CDS1: variants seen among roughly 807,000 people sequenced by gnomAD.
The protein encoded by CDS1 is CDP-diacylglycerol synthase 1, also known as phosphatidate cytidylyltransferase 1.
CDS1 carries 41 observed loss-of-function variants against 62.1 expected under a neutral mutation model. The observed-to-expected ratio is 0.66, with a 90% CI of 0.51 to 0.86. CDS1 has a LOEUF of 0.86. Among genes scored for constraint, CDS1 ranks in the 40% least tolerant of loss-of-function variants. CDS1 has a pLI of 0.00. For missense variants in CDS1, 470 were observed against 550.1 expected, an observed-to-expected ratio of 0.85 and a Z score of 1.46; for synonymous variants, 185 against 192.6, an observed-to-expected ratio of 0.96 and a Z score of 0.32.
intron 1 of CDS1, among the ~76,000 whole-genome samples, chr4:84,601,238 G>A (rs1010375867): frequency 4.6e-5 from 7 of 151,346 alleles, no homozygotes; most frequent in Middle Eastern, 3.2e-3. Flanking sequence ...ACTTGGTGCC[G>A]ACTGAATGTT....
chr4:84,635,207 GCC>G (rs1724140427), intron 7 of CDS1, 55 bp from the exon 8 acceptor site: 17 of 814,990 alleles, frequency 2.1e-5, no homozygotes, highest in Middle Eastern at 3.1e-4. Context: ...CCGAATATCT[GCC>G]ACTTACTCAG....
rs1472346036 is a variant in CDS1, at chr4:84,583,391, G to A, written c.-11G>A. On this transcript the variant is annotated 5_prime_UTR_variant, in exon 1 of 13. Transcript: ENST00000295887. The stretch of plus-strand genomic sequence containing the variant: ...CTTGAGGAGGCCGCCACGGCAGCGC[G>A]GGAGCGGAAGATGTTGGAGCTGAGG... The A allele has an allele frequency of 7.6e-6, 12 of 1,588,504 alleles. No homozygotes were observed. The highest frequency in any genetic ancestry group is 2.3e-5 in the East Asian group (1 of 43,408).
chr4:84,635,574 TCTGCCTGCCTGCCTGC>T (rs1214957051), intron 8 of CDS1, among the ~76,000 whole-genome samples: 8 of 102,028 alleles, frequency 7.8e-5, no homozygotes, highest in South Asian at 3.3e-4. Flanking sequence ...ACTCCATCAG[TCTGCCTGCCTGCCTGC>T]CTGCCTGCCT....
intron 2 of CDS1, among the ~76,000 whole-genome samples, chr4:84,604,737 T>G (rs951245973): frequency 1.2e-4 from 18 of 152,214 alleles, no homozygotes; most frequent in Non-Finnish European, 2.6e-4. Context: ...GTTCCCTATT[T>G]TTCAAATGCC....
chr4:84,648,812 C>A lies in CDS1; in HGVS notation c.*126C>A. Reference sequence around the variant, plus strand: ...GTTGAAGTTTTGGAGATATGTTTCTCTCTGAAATTACTGTGAATATTTAAC... The same window carrying A: ...GTTGAAGTTTTGGAGATATGTTTCTATCTGAAATTACTGTGAATATTTAAC... On this transcript the variant is annotated 3_prime_UTR_variant, in exon 13 of 13. Transcript: ENST00000295887. 1 of 876,788 alleles carries A rather than the reference C, an allele frequency of 1.1e-6. No homozygotes were observed. Among genetic ancestry groups the A allele is most frequent in the Non-Finnish European group, 1.7e-6 (1 of 594,682 alleles). The allele number at this position is 876,788 out of a possible 1,614,324, so 54.3% of individuals were successfully genotyped here.
intron 5 of CDS1, among the ~76,000 whole-genome samples, chr4:84,623,682 T>G (rs75857052): frequency 0.011 from 1,727 of 152,304 alleles, 27 homozygotes; most frequent in African/African-American, 0.04. Flanking sequence ...TTAACTAGTT[T>G]TATTTTTCCC....
chr4:84,603,462 A>G (rs2110046236), intron 1 of CDS1, among the ~76,000 whole-genome samples: 1 of 152,336 alleles, frequency 6.6e-6, no homozygotes, highest in Non-Finnish European at 1.5e-5. Context: ...TAGAAGAGGA[A>G]AGAACATGGC....
At chr4:84,637,459 G>A (rs757357933) in intron 8 of CDS1, among the ~76,000 whole-genome samples, 24 of 152,094 alleles carry the variant, frequency 1.6e-4, no homozygotes, top group Non-Finnish European at 3.4e-4. Flanking sequence ...AAGAGGGAGA[G>A]TGAGGAGGTG....
chr4:84,639,933 A>G (rs1486354293), intron 9 of CDS1, among the ~76,000 whole-genome samples: 2 of 152,030 alleles, frequency 1.3e-5, no homozygotes, highest in Non-Finnish European at 2.9e-5. Context: ...ATCTCATCCA[A>G]TGTTTTTACA....
At chr4:84,638,847 T>TA (rs1724294099) in intron 8 of CDS1, 77 bp from the exon 9 acceptor site, 2 of 300,604 alleles carry the variant, frequency 6.7e-6, no homozygotes. Context: ...AGGAAATAGT[T>TA]TATATATATA....
Position 84,609,507 on chromosome 4 carries a change from C to A in CDS1, c.324C>A (p.Ser108=), listed in dbSNP as rs200859363. Residue 108 remains serine, a synonymous_variant, in exon 3 of 13, where the codon TCC becomes TCA. Coordinates refer to ENST00000295887, the MANE Select transcript of CDS1 (RefSeq NM_001263.4). ...TTTTCCTGATCATCTATATGGGATC[C>A]TTCATGCTGATGCTTCTTGTAAGTT... is the stretch of plus-strand genomic sequence containing the variant. ...SLFFLIIYMG[S]FMLMLLVLGI... is the part of the protein sequence containing the mutation. The A allele has an allele frequency of 1.3e-6, 2 of 1,599,524 alleles. No homozygotes were observed. The highest frequency in any genetic ancestry group is 3.3e-5 in the Admixed American group (2 of 59,836).
intron 1 of CDS1, among the ~76,000 whole-genome samples, chr4:84,585,553 A>G (rs1722387409): frequency 6.6e-6 from 1 of 152,220 alleles, no homozygotes; most frequent in African/African-American, 2.4e-5. Context: ...CAAACTCATT[A>G]AGGGCCTTCC....
intron 2 of CDS1, among the ~76,000 whole-genome samples, chr4:84,606,305 A>AGTGTGTGT (rs60828105): frequency 6.8e-6 from 1 of 146,408 alleles, no homozygotes; most frequent in African/African-American, 2.6e-5. Context: ...TTTCTTGTGC[A>AGTGTGTGT]GTGTGTGTGT....
intron 5 of CDS1, among the ~76,000 whole-genome samples, chr4:84,629,616 T>A (rs959595652): frequency 2.6e-5 from 4 of 152,168 alleles, no homozygotes; most frequent in African/African-American, 9.7e-5. Context: ...CTGCAACCAA[T>A]CACCCAGGGA....
chr4:84,605,131 G>A (rs987884352), intron 2 of CDS1, among the ~76,000 whole-genome samples: 1 of 152,144 alleles, frequency 6.6e-6, no homozygotes, highest in African/African-American at 2.4e-5. Flanking sequence ...TGTATGAAAT[G>A]TTACATATTG....
chr4:84,629,790 T>C (rs1723965877), intron 5 of CDS1, among the ~76,000 whole-genome samples: 1 of 152,234 alleles, frequency 6.6e-6, no homozygotes, highest in South Asian at 2.1e-4. Context: ...GCCAAGGTTG[T>C]CCTGGATAAA....
chr4:84,584,606 C>G (rs1722360473), intron 1 of CDS1, among the ~76,000 whole-genome samples: 1 of 152,080 alleles, frequency 6.6e-6, no homozygotes. Flanking sequence ...GAGGATTCCA[C>G]CTGAAAGTTG....
Position 84,648,938 on chromosome 4 carries a change from C to T in CDS1, c.*252C>T, listed in dbSNP as rs190116983. The T allele has an allele frequency of 9.8e-6, 3 of 306,924 alleles. No homozygotes were observed. The highest frequency in any genetic ancestry group is 1.2e-4 in the East Asian group (2 of 16,926). 19.0% of individuals were successfully genotyped at this position (306,924 alleles called of 1,614,324 possible). ...ATTTTCTGATGTGAACTTCCTTCCC[C>T]TTACTTGCTAGGTTTCATAATTTAA... On this transcript the variant is annotated 3_prime_UTR_variant, in exon 13 of 13. Coordinates refer to ENST00000295887, the MANE Select transcript of CDS1 (RefSeq NM_001263.4).
chr4:84,618,581 A>G (rs1331369026), intron 4 of CDS1, among the ~76,000 whole-genome samples: 1 of 152,244 alleles, frequency 6.6e-6, no homozygotes, highest in Non-Finnish European at 1.5e-5. Context: ...TGTAGCACCC[A>G]TCAGTTTCTA....
Sources: gnomAD v4.1 joint callset for allele counts (sites outside exome capture counted in the v4.1 genomes callset) on GRCh38, gnomAD v4.1.1 for gene constraint, MANE v1.5 for transcripts, NCBI Gene and HGNC (gene_info 2026-07-23, HGNC 2026-07-21) for gene names.